The following VWA2 variants were observed in gnomAD, a reference collection of about 807,000 sequenced individuals.
VWA2 encodes von Willebrand factor A domain containing 2.
A neutral mutation model predicts 70.4 loss-of-function variants in VWA2; 73 were observed. The observed-to-expected ratio is 1.04, with a 90% CI of 0.86 to 1.26. VWA2 has a LOEUF of 1.26. VWA2 is among the 50% of genes most tolerant of loss of function. The probability of loss-of-function intolerance (pLI) is 0.00; values close to 1 mark genes in which losing one functional copy is unlikely to be tolerated. For missense variants in VWA2, 1,011 were observed against 998.5 expected (o/e 1.01, Z -0.17); for synonymous variants, 407 against 423.3 (o/e 0.96, Z 0.47).
At chr10:114,247,291 G>C (rs1029634855) in intron 1 of VWA2, among the ~76,000 whole-genome samples, 2 of 152,066 alleles carry the variant, frequency 1.3e-5, no homozygotes, top group Non-Finnish European at 2.9e-5. Flanking sequence ...GGCCTGGTTG[G>C]GTTTCTAGTC....
At chr10:114,253,906 A>T (rs868094303) in intron 3 of VWA2, among the ~76,000 whole-genome samples, 181 bp downstream of exon 3, 2 of 151,722 alleles carry the variant, frequency 1.3e-5, no homozygotes. Flanking sequence ...AAAACAAACA[A>T]AAGTGGGTGC....
intron 2 of VWA2, among the ~76,000 whole-genome samples, chr10:114,252,601 C>T (rs1589742021): frequency 6.6e-6 from 1 of 152,044 alleles, no homozygotes; most frequent in African/African-American, 2.4e-5. Context: ...ACCTTGAGAC[C>T]AGGTGCCCTG....
At chr10:114,257,459 T>C (rs1466059453) in intron 4 of VWA2, among the ~76,000 whole-genome samples, 7 of 152,166 alleles carry the variant, frequency 4.6e-5, no homozygotes, top group Admixed American at 4.6e-4. Context: ...TAGTTGGGAA[T>C]GAAGGGTCCT....
intron 2 of VWA2, among the ~76,000 whole-genome samples, chr10:114,252,701 C>CAG (rs1249575186): frequency 5.3e-5 from 8 of 152,110 alleles, no homozygotes; most frequent in Non-Finnish European, 1.2e-4. Context: ...CAGGTTCAAA[C>CAG]AGTTCTCCTG....
chr10:114,242,219 C>T (rs1416121591), intron 1 of VWA2, among the ~76,000 whole-genome samples: 6 of 152,118 alleles, frequency 3.9e-5, no homozygotes, highest in Admixed American at 6.5e-5. Flanking sequence ...GCCCTTGCCC[C>T]GGGAGCCTTT....
intron 11 of VWA2, among the ~76,000 whole-genome samples, chr10:114,287,813 A>G (rs561321500): frequency 1.2e-4 from 18 of 152,372 alleles, no homozygotes; most frequent in African/African-American, 3.4e-4. Context: ...GCACAGTGTT[A>G]TCATTAATGA....
chr10:114,243,633 A>G (rs542657573), intron 1 of VWA2, among the ~76,000 whole-genome samples: 1 of 152,096 alleles, frequency 6.6e-6, no homozygotes, highest in South Asian at 2.1e-4. Context: ...AAGGAGGTAG[A>G]AATGGTTTCC....
intron 10 of VWA2, among the ~76,000 whole-genome samples, chr10:114,285,191 G>C (rs1397761392): frequency 6.6e-6 from 1 of 152,202 alleles, no homozygotes; most frequent in African/African-American, 2.4e-5. Context: ...GTGGCTCCCA[G>C]CTTATTAGCT....
chr10:114,261,421 T>A (rs997260581), intron 5 of VWA2, 126 bp downstream of exon 5: 2 of 618,130 alleles, frequency 3.2e-6, no homozygotes, highest in African/African-American at 1.8e-5. Context: ...GGAGTCCAGC[T>A]GGGCACAGTT....
Position 114,278,065 on chromosome 10 carries a change from G to A in VWA2, c.700+18G>A, listed in dbSNP as rs755474789. 6.2e-7 allele frequency: 1 copy of A among 1,603,066 alleles called. No homozygotes were observed. The highest frequency in any genetic ancestry group is 8.5e-7 in the Non-Finnish European group (1 of 1,171,782). On this transcript the variant is annotated intron_variant, in intron 7 of 13. Coordinates refer to ENST00000392982, the MANE Select transcript of VWA2 (RefSeq NM_001272046.2). ...CACGCCAGGTAAGATCTTCCAGCCT[G>A]GAGGGAGTGGAAGTGCCATGTGGGG... is the stretch of plus-strand genomic sequence containing the variant.
chr10:114,263,849 C>G (rs905414635), intron 5 of VWA2, among the ~76,000 whole-genome samples: 1 of 152,124 alleles, frequency 6.6e-6, no homozygotes, highest in Non-Finnish European at 1.5e-5. Context: ...CACAAAGAAA[C>G]CTTGTAAGTA....
intron 6 of VWA2, 52 bp downstream of exon 6, chr10:114,272,986 CG>C: frequency 6.6e-7 from 1 of 1,505,270 alleles, no homozygotes; most frequent in Non-Finnish European, 9.0e-7. Context: ...GCCTGGGGAT[CG>C]TGACATGGCC....
At chr10:114,246,361 C>T (rs12255410) in intron 1 of VWA2, 43,183 of 585,410 alleles carry the variant, frequency 0.074, 1,675 homozygotes, top group African/African-American at 0.085. Flanking sequence ...ATTAGCTGGG[C>T]GTGGTGGCGC....
Position 114,261,154 on chromosome 10 carries a change from C to T in VWA2, c.262-32C>T, listed in dbSNP as rs778595943. 33 of 1,522,058 alleles carry T rather than the reference C, an allele frequency of 2.2e-5. 1 individual carries two copies. Among genetic ancestry groups the T allele is most frequent in the East Asian group, 1.8e-4 (8 of 44,046 alleles). 94.3% of individuals were successfully genotyped at this position (1,522,058 alleles called of 1,614,324 possible). On this transcript the variant is annotated intron_variant, in intron 4 of 13. Coordinates refer to ENST00000392982, the MANE Select transcript of VWA2 (RefSeq NM_001272046.2). ...TTAGGAATGTTTTTGACTCCAGTCT[C>T]GGGGCCCTGAGCCCCCTGTCTCCTA...
At chr10:114,265,815 GGACAACTGTAAGT>G (rs1023448113) in intron 5 of VWA2, among the ~76,000 whole-genome samples, 2 of 152,122 alleles carry the variant, frequency 1.3e-5, no homozygotes, top group African/African-American at 4.8e-5. Context: ...ATGTTTCCTA[GGACAACTGTAAGT>G]GACAACAAAC....
chr10:114,268,173 C>T (rs1305706983), intron 5 of VWA2, among the ~76,000 whole-genome samples: 4 of 152,098 alleles, frequency 2.6e-5, no homozygotes, highest in African/African-American at 9.7e-5. Flanking sequence ...AGCCCCTCCA[C>T]CTCTGGAACT....
In VWA2 at chr10:114,266,958, G is replaced by A. The variant is rs553643343; in HGVS notation, c.371+5663G>A. ...TACATAAAGCTGTATTATTTTTCAT[G>A]TTGATTGTTTTTAATGATTATTTAA... On this transcript the variant is annotated intron_variant, in intron 5 of 13. Coordinates refer to ENST00000392982, the MANE Select transcript of VWA2 (RefSeq NM_001272046.2). 2.0e-5 allele frequency among the ~76,000 whole-genome samples: 3 copies of A among 151,920 alleles called. No individual in the cohort carries two copies. In the East Asian group the frequency reaches 5.8e-4, roughly 29 times the overall value.
intron 1 of VWA2, chr10:114,245,974 G>C (rs1299128045): frequency 2.0e-6 from 1 of 494,062 alleles, no homozygotes; most frequent in East Asian, 4.2e-5. Context: ...TGGCATCATG[G>C]AAATAACCAC....
chr10:114,278,987 G>C (rs905859093), intron 8 of VWA2, 136 bp downstream of exon 8: 1 of 1,369,384 alleles, frequency 7.3e-7, no homozygotes, highest in African/African-American at 1.4e-5. Context: ...GGGAGCCAGG[G>C]ACGTAGCCAT....
Sources: gnomAD v4.1 joint callset for allele counts (sites outside exome capture counted in the v4.1 genomes callset) on GRCh38, gnomAD v4.1.1 for gene constraint, MANE v1.5 for transcripts, NCBI Gene and HGNC (gene_info 2026-07-23, HGNC 2026-07-21) for gene names.